Variants in NKD1 observed in about 807,000 individuals in gnomAD.
NKD1 encodes protein naked cuticle homolog 1.
In NKD1, 21 loss-of-function variants were observed where a neutral mutation model predicts 56.0. The ratio of observed to expected loss-of-function variants is 0.38; its 90% CI spans 0.27 to 0.54. The LOEUF (loss-of-function observed/expected upper bound fraction) is 0.54, where lower values mean the gene tolerates loss of function less well. NKD1 is among the 20% of genes least tolerant of loss of function. NKD1 has a pLI of 0.82. For synonymous variants in NKD1, 263 were observed against 265.7 expected, an observed-to-expected ratio of 0.99 and a Z score of 0.10; for missense variants, 578 against 642.7, an observed-to-expected ratio of 0.90 and a Z score of 1.09.
intron 3 of NKD1, among the ~76,000 whole-genome samples, chr16:50,561,163 G>T (rs531660466): frequency 7.9e-4 from 120 of 152,164 alleles, no homozygotes; most frequent in Admixed American, 7.9e-3. Flanking sequence ...TCCCATGGAG[G>T]GGGGGCCCAT....
Position 50,635,807 on chromosome 16 carries a change from C to T in NKD1, c.*2026C>T, listed in dbSNP as rs887061408. ...AGCTTAATCACGGCCATGGGCTGCC[C>T]TTGTTTTGGGTTGTGGGTTTCTGTT... On this transcript the variant is annotated 3_prime_UTR_variant, in exon 10 of 10. Coordinates refer to ENST00000268459, the MANE Select transcript of NKD1 (RefSeq NM_033119.5). This position sits in a 1 kb window ranked among gnomAD's most constrained non-coding sequence, Gnocchi z 4.1. The T allele has an allele frequency of 6.6e-6, 1 of 152,182 alleles. No homozygotes were observed. Among genetic ancestry groups the T allele is most frequent in the African/African-American group, 2.4e-5 (1 of 41,440 alleles). The allele number at this position is 152,182 out of a possible 1,614,324, so 9.4% of individuals were successfully genotyped here. A position where few individuals can be genotyped will look rare whatever the true frequency, so the allele number is the denominator to read the frequency against.
chr16:50,571,679 A>C, intron 3 of NKD1: 6 of 268,528 alleles, frequency 2.2e-5, no homozygotes, highest in Non-Finnish European at 3.4e-5. Flanking sequence ...TGTGAATCTC[A>C]GATTTGCCCA....
intron 3 of NKD1, among the ~76,000 whole-genome samples, chr16:50,602,251 G>T (rs1348556904): frequency 6.6e-6 from 1 of 152,202 alleles, no homozygotes. Context: ...GACAGCCCCG[G>T]TCTTCCTCTT....
rs1393787904 is a variant in NKD1 at position 50,630,808 on chromosome 16, T to G, written c.611-18T>G. The G allele has an allele frequency of 4.4e-6, 7 of 1,575,414 alleles. No homozygotes were observed. Among genetic ancestry groups the G allele is most frequent in the Non-Finnish European group, 6.0e-6 (7 of 1,161,264 alleles). On this transcript the variant is annotated intron_variant, in intron 7 of 9. Transcript: ENST00000268459. ...GCAGCTCACCTGGTGTCTCCTGTGC[T>G]TCTCGGGCCGGACTCAGACCTGCAG...
At position 50,549,532 on chromosome 16, in the gene NKD1, G is replaced by A; in HGVS notation, c.169G>A (p.Gly57Ser). Residue 57 changes from glycine to serine, a missense_variant, in exon 3 of 10, where the codon GGC (glycine) becomes AGC (serine). Physicochemically the swap from Gly to Ser is moderately conservative, Grantham distance 56 (BLOSUM62 0). Coordinates refer to ENST00000268459, the MANE Select transcript of NKD1 (RefSeq NM_033119.5). ...GGGACCCCGACAGCTGCGGTTGGCG[G>A]GCACCATAGGCCGAAGCACCCGGGT... ...VSGPRQLRLA[G>S]TIGRSTRELV... is the part of the protein sequence containing the mutation. The A allele has an allele frequency of 6.2e-7, 1 of 1,604,792 alleles. No homozygotes were observed. The highest frequency in any genetic ancestry group is 8.5e-7 in the Non-Finnish European group (1 of 1,175,332).
chr16:50,611,698 A>G (rs1213839404), intron 4 of NKD1, among the ~76,000 whole-genome samples: 1 of 152,154 alleles, frequency 6.6e-6, no homozygotes, highest in Non-Finnish European at 1.5e-5. Flanking sequence ...TCCTCCCTTG[A>G]TTCTGACTTC....
At chr16:50,564,593 A>G (rs1960716592) in intron 3 of NKD1, among the ~76,000 whole-genome samples, 1 of 152,136 alleles carries the variant, frequency 6.6e-6, no homozygotes, top group Non-Finnish European at 1.5e-5. Context: ...TTTTGCACTG[A>G]TTGGCACATG....
At chr16:50,559,054 C>T (rs1159587676) in intron 3 of NKD1, among the ~76,000 whole-genome samples, 5 of 152,244 alleles carry the variant, frequency 3.3e-5, no homozygotes, top group Non-Finnish European at 5.9e-5. Context: ...GTCCCAGCTG[C>T]ACTTCTCCCC....
intron 3 of NKD1, among the ~76,000 whole-genome samples, chr16:50,567,946 C>T (rs946765446): frequency 2.6e-5 from 4 of 152,338 alleles, no homozygotes; most frequent in South Asian, 4.1e-4. Context: ...GAAAAGGAAC[C>T]GCAGATAGAG....
chr16:50,609,201 T>C (rs1961786641), intron 4 of NKD1, among the ~76,000 whole-genome samples: 1 of 152,264 alleles, frequency 6.6e-6, no homozygotes, highest in African/African-American at 2.4e-5. Context: ...GTCTGCTGGC[T>C]GCTGGTGTGC....
rs1247870728 is a variant in NKD1, at chr16:50,643,509, A to C, written c.*9728A>C. The C allele has an allele frequency of 1.3e-5, 2 of 152,266 alleles. No individual in the cohort carries two copies. The highest frequency in any genetic ancestry group is 2.9e-5 in the Non-Finnish European group (2 of 68,052). 9.4% of individuals were successfully genotyped at this position (152,266 alleles called of 1,614,324 possible). A position where few individuals can be genotyped will look rare whatever the true frequency, so the allele number is the denominator to read the frequency against. On this transcript the variant is annotated 3_prime_UTR_variant, in exon 10 of 10. Coordinates refer to ENST00000268459, the MANE Select transcript of NKD1 (RefSeq NM_033119.5). ...CTGGTGTGGCCGAGACCTCAGCCTC[A>C]GCAAGATGGTGCCCCAAGCTCTCAG...
chr16:50,608,127 A>G (rs1037789538), intron 3 of NKD1, 167 bp from the exon 4 acceptor site: 12 of 652,352 alleles, frequency 1.8e-5, no homozygotes, highest in Non-Finnish European at 2.5e-5. Flanking sequence ...TAAGGGCAGG[A>G]GGGACCCACC....
intron 5 of NKD1, among the ~76,000 whole-genome samples, chr16:50,622,697 G>A (rs1005974637): frequency 2.6e-5 from 4 of 152,320 alleles, no homozygotes; most frequent in Admixed American, 2.0e-4. Context: ...GCATGAGTTC[G>A]TGCGCCTAAA....
In NKD1 at chr16:50,638,599, G is replaced by A. The variant is rs935437897; in HGVS notation, c.*4818G>A. On this transcript the variant is annotated 3_prime_UTR_variant, in exon 10 of 10. Coordinates refer to ENST00000268459, the MANE Select transcript of NKD1 (RefSeq NM_033119.5). ...AAGTTTGATCACTTGCCACAGTCAG[G>A]ACCTTTGTGTGGGGCTCTGATCTGA... 6.6e-6 allele frequency: 1 copy of A among 152,224 alleles called. No homozygotes were observed. The highest frequency in any genetic ancestry group is 2.4e-5 in the African/African-American group (1 of 41,438). The allele number at this position is 152,224 out of a possible 1,614,324, so 9.4% of individuals were successfully genotyped here. A position where few individuals can be genotyped will look rare whatever the true frequency, so the allele number is the denominator to read the frequency against.
At chr16:50,582,095 A>C (rs1253786566) in intron 3 of NKD1, among the ~76,000 whole-genome samples, 1 of 152,096 alleles carries the variant, frequency 6.6e-6, no homozygotes, top group Non-Finnish European at 1.5e-5. Context: ...GCCAGCCTTG[A>C]TCTGCTGAGC....
At chr16:50,605,030 C>T (rs564741714) in intron 3 of NKD1, among the ~76,000 whole-genome samples, 1 of 152,358 alleles carries the variant, frequency 6.6e-6, no homozygotes, top group East Asian at 1.9e-4. Flanking sequence ...ACCTCTGCTC[C>T]CATGCCCACA....
intron 3 of NKD1, among the ~76,000 whole-genome samples, chr16:50,592,833 G>T (rs995484553): frequency 6.6e-6 from 1 of 152,124 alleles, no homozygotes; most frequent in South Asian, 2.1e-4. Flanking sequence ...TAGTGCAGAA[G>T]CGGGTGGAGA....
chr16:50,591,910 T>A (rs1961375445), intron 3 of NKD1, among the ~76,000 whole-genome samples: 1 of 152,186 alleles, frequency 6.6e-6, no homozygotes. Flanking sequence ...TGCCCGGGGA[T>A]AGGCAGGAAA....
intron 3 of NKD1, chr16:50,575,402 G>A: frequency 1.1e-6 from 1 of 946,528 alleles, no homozygotes; most frequent in Non-Finnish European, 1.3e-6. Context: ...TGTATTTTCG[G>A]GGAGAAAGAA....
Sources: gnomAD v4.1 joint callset for allele counts (sites outside exome capture counted in the v4.1 genomes callset) on GRCh38, gnomAD v4.1.1 for gene constraint, Gnocchi (gnomAD v3.1) non-coding constraint, MANE v1.5 for transcripts, NCBI Gene and HGNC (gene_info 2026-07-23, HGNC 2026-07-21) for gene names.